LRRTM4: variants seen among roughly 807,000 people sequenced by gnomAD.
LRRTM4 encodes the protein leucine-rich repeat transmembrane neuronal protein 4.
A neutral mutation model predicts 47.6 loss-of-function variants in LRRTM4; 25 were observed. The observed-to-expected ratio is 0.53, with a 90% CI of 0.38 to 0.73. LRRTM4 has a LOEUF of 0.73. Among genes scored for constraint, LRRTM4 ranks in the 30% least tolerant of loss-of-function variants. The pLI is 0.00. For missense variants in LRRTM4, 638 were observed against 713.4 expected, an observed-to-expected ratio of 0.89 and a Z score of 1.20; for synonymous variants, 311 against 269.5, an observed-to-expected ratio of 1.15 and a Z score of -1.51.
At chr2:77,361,029 A>C (rs1180598333) in intron 3 of LRRTM4, among the ~76,000 whole-genome samples, 1 of 152,130 alleles carries the variant, frequency 6.6e-6, no homozygotes, top group Non-Finnish European at 1.5e-5. Context: ...GACTGAATAC[A>C]TTAAAAAAAC....
At chr2:77,510,613 T>G (rs1297216529) in intron 3 of LRRTM4, among the ~76,000 whole-genome samples, 1 of 152,070 alleles carries the variant, frequency 6.6e-6, no homozygotes, top group Non-Finnish European at 1.5e-5. Context: ...TAATTTTGCT[T>G]TAAGTTAAAA....
chr2:77,003,052 C>G (rs1677490620), intron 3 of LRRTM4, among the ~76,000 whole-genome samples: 1 of 151,964 alleles, frequency 6.6e-6, no homozygotes, highest in African/African-American at 2.4e-5. Context: ...ATAGTGGGTA[C>G]TCAGTATAAT....
At chr2:77,207,372 TAC>T (rs66858623) in intron 3 of LRRTM4, among the ~76,000 whole-genome samples, 1 of 131,104 alleles carries the variant, frequency 7.6e-6, no homozygotes, top group Non-Finnish European at 1.5e-5. Context: ...TATATATATA[TAC>T]ACACACACAT....
At chr2:76,794,988 C>T (rs62172107) in intron 3 of LRRTM4, among the ~76,000 whole-genome samples, 17,460 of 152,002 alleles carry the variant, frequency 0.11, 1,324 homozygotes, top group Admixed American at 0.21. Flanking sequence ...TGTAACTTCA[C>T]TAAAAGCTAT....
At chr2:76,937,927 C>A (rs1573339721) in intron 3 of LRRTM4, among the ~76,000 whole-genome samples, 1 of 152,092 alleles carries the variant, frequency 6.6e-6, no homozygotes, top group Admixed American at 6.5e-5. Context: ...ATCCTTAGAT[C>A]AAAGTATAAC....
chr2:77,071,438 T>C (rs773733311), intron 3 of LRRTM4, among the ~76,000 whole-genome samples: 91 of 152,164 alleles, frequency 6.0e-4, no homozygotes, highest in Admixed American at 1.5e-3. Flanking sequence ...GATACATCTC[T>C]GGTATTTCAT....
chr2:77,353,638 C>A (rs1671864919), intron 3 of LRRTM4, among the ~76,000 whole-genome samples: 1 of 152,020 alleles, frequency 6.6e-6, no homozygotes, highest in African/African-American at 2.4e-5. Context: ...ATTTTATAAT[C>A]CTTTTTTACC....
chr2:76,941,663 T>C (rs1187338742), intron 3 of LRRTM4, among the ~76,000 whole-genome samples: 1 of 152,224 alleles, frequency 6.6e-6, no homozygotes, highest in Non-Finnish European at 1.5e-5. Flanking sequence ...TATGGCTGCA[T>C]AGTATTCCAT....
At chr2:76,869,022 G>A (rs1672546767) in intron 3 of LRRTM4, among the ~76,000 whole-genome samples, 1 of 151,792 alleles carries the variant, frequency 6.6e-6, no homozygotes, top group African/African-American at 2.4e-5. Context: ...TAATAAAAAT[G>A]TAAGGTGGCC....
rs552163484 is a variant in LRRTM4 at position 77,136,852 on chromosome 2, G to A, written c.1551+381466C>T. Among the ~76,000 whole-genome samples, 53 of 152,014 alleles carry A rather than the reference G, an allele frequency of 3.5e-4. 1 individual carries two copies. The highest frequency in any genetic ancestry group is 1.2e-3 in the African/African-American group (48 of 41,320). On this transcript the variant is annotated intron_variant, in intron 3 of 3. Transcript: ENST00000409884. The stretch of plus-strand genomic sequence containing the variant: ...ATGCACAAGCTTCAGTAGCCGATTC[G>A]ATCAACTGGAAGAAAGGGTATGAGT...
At chr2:76,784,059 A>T (rs1367321809) in intron 3 of LRRTM4, among the ~76,000 whole-genome samples, 1 of 152,082 alleles carries the variant, frequency 6.6e-6, no homozygotes, top group Admixed American at 6.6e-5. Context: ...ATTTTTGGAA[A>T]ATTATTTTTA....
At chr2:77,504,036 AG>A (rs1208782086) in intron 3 of LRRTM4, among the ~76,000 whole-genome samples, 46 of 151,698 alleles carry the variant, frequency 3.0e-4, no homozygotes, top group Admixed American at 7.3e-4. Context: ...TTTCTATGAA[AG>A]GGAAGTATAA....
At chr2:76,898,850 T>C (rs557179320) in intron 3 of LRRTM4, among the ~76,000 whole-genome samples, 6 of 151,522 alleles carry the variant, frequency 4.0e-5, no homozygotes, top group Non-Finnish European at 5.9e-5. Flanking sequence ...TAAAACTATA[T>C]ATAGTTATAC....
intron 3 of LRRTM4, among the ~76,000 whole-genome samples, chr2:77,416,148 C>A (rs1674627673): frequency 6.6e-6 from 1 of 151,958 alleles, no homozygotes; most frequent in Non-Finnish European, 1.5e-5. Context: ...TTGGTGACAC[C>A]ATTTATTCAA....
chr2:77,224,496 A>G (rs575424949), intron 3 of LRRTM4, among the ~76,000 whole-genome samples: 1 of 152,278 alleles, frequency 6.6e-6, no homozygotes, highest in African/African-American at 2.4e-5. Flanking sequence ...TCTACAATGA[A>G]CTCAAACAAA....
chr2:77,331,789 G>T (rs2104252409), intron 3 of LRRTM4, among the ~76,000 whole-genome samples: 1 of 152,214 alleles, frequency 6.6e-6, no homozygotes, highest in South Asian at 2.1e-4. Flanking sequence ...AGTTGATACT[G>T]AGTAAAATCT....
chr2:76,996,673 T>C (rs1023529371), intron 3 of LRRTM4, among the ~76,000 whole-genome samples: 2 of 152,098 alleles, frequency 1.3e-5, no homozygotes, highest in East Asian at 1.9e-4. Flanking sequence ...CAGTAGGATG[T>C]TGGGAGGAAA....
At chr2:77,046,466 G>C (rs1679239671) in intron 3 of LRRTM4, among the ~76,000 whole-genome samples, 1 of 151,968 alleles carries the variant, frequency 6.6e-6, no homozygotes, top group African/African-American at 2.4e-5. Flanking sequence ...TTGTACATTT[G>C]AAAATAACCT....
chr2:77,316,708 T>A (rs1558685271), intron 3 of LRRTM4, among the ~76,000 whole-genome samples: 1 of 152,012 alleles, frequency 6.6e-6, no homozygotes, highest in Non-Finnish European at 1.5e-5. Flanking sequence ...CCACCACACC[T>A]ACATTTTTTG....
Sources: allele counts gnomAD v4.1 joint callset (sites outside exome capture counted in the v4.1 genomes callset), GRCh38; gene constraint gnomAD v4.1.1; transcripts MANE v1.5; gene names NCBI Gene and HGNC (gene_info 2026-07-23, HGNC 2026-07-21).